The following DOCK9 variants were observed in gnomAD, a reference collection of about 807,000 sequenced individuals.
DOCK9 encodes the protein dedicator of cytokinesis 9, also known as dedicator of cytokinesis protein 9.
Under a neutral mutation model 263.3 loss-of-function variants are expected in DOCK9, and 89 were observed. That is an observed-to-expected ratio of 0.34 (90% confidence interval 0.28 to 0.40). The LOEUF (loss-of-function observed/expected upper bound fraction) is 0.40, where lower values mean the gene tolerates loss of function less well. DOCK9 is among the 10% of genes least tolerant of loss of function. The pLI is 1.00. For synonymous variants in DOCK9, 976 were observed against 973.1 expected (o/e 1.00, Z -0.06); for missense variants, 2,140 against 2,603.4 (o/e 0.82, Z 3.87).
exon 1 of DOCK9, chr13:99,086,224 A>G (rs1006038768): frequency 1.3e-6 from 2 of 1,501,514 alleles, no homozygotes; most frequent in Non-Finnish European, 1.8e-6. Flanking sequence ...CGCACTCACC[A>G]GGAGCACGGA....
intron 1 of DOCK9, among the ~76,000 whole-genome samples, chr13:99,083,871 C>T (rs1285137438): frequency 6.6e-6 from 1 of 152,086 alleles, no homozygotes; most frequent in African/African-American, 2.4e-5. Flanking sequence ...AGCTACTAAA[C>T]CCACACATAG....
chr13:98,976,419 T>C (rs1295066333), intron 1 of DOCK9, among the ~76,000 whole-genome samples: 1 of 152,260 alleles, frequency 6.6e-6, no homozygotes, highest in Non-Finnish European at 1.5e-5. Flanking sequence ...CATAGCATCT[T>C]TCTACAGTGT....
rs572201565 is a variant in DOCK9 at position 98,848,317 on chromosome 13, G to C, written c.4061+275C>G. Among the ~76,000 whole-genome samples, 13 of 152,234 alleles carry C rather than the reference G, an allele frequency of 8.5e-5. No homozygotes were observed. The South Asian group carries it at 2.7e-3, about 32-fold the overall frequency. On this transcript the variant is annotated intron_variant, in intron 37 of 52. Transcript: ENST00000682017. ...GGAAGGAGACAGAACAGAGAAGGAG[G>C]GGGAGTTTGGACGAGAGGATGGAAG... is the stretch of plus-strand genomic sequence containing the variant.
intron 35 of DOCK9, 36 bp downstream of exon 35, chr13:98,853,372 A>C (rs2093624078): frequency 7.1e-7 from 1 of 1,417,866 alleles, no homozygotes; most frequent in Non-Finnish European, 9.8e-7. Flanking sequence ...CAAGTGCTGA[A>C]ACGAGCAAAA....
Position 98,805,150 on chromosome 13 carries a change from G to T in DOCK9, c.5574C>A (p.Pro1858=). 6.2e-7 allele frequency: 1 copy of T among 1,608,966 alleles called. No homozygotes were observed. Among genetic ancestry groups the T allele is most frequent in the Non-Finnish European group, 8.5e-7 (1 of 1,177,324 alleles). The change falls in exon 49 of 53, where the codon CCC becomes CCA. Residue 1858 remains proline, a synonymous_variant. Transcript: ENST00000682017. ...CTTGCAACTCTTTTTCGTCAAAGAA[G>T]GGGATGACGTGAGTCACCTGGATGT... is the stretch of plus-strand genomic sequence containing the variant. ...YAYIQVTHVI[P]FFDEKELQER...
intron 50 of DOCK9, among the ~76,000 whole-genome samples, 168 bp from the exon 51 acceptor site, chr13:98,797,657 A>C (rs2089597781): frequency 1.3e-5 from 2 of 152,200 alleles, no homozygotes; most frequent in Admixed American, 1.3e-4. Context: ...ACTCTGTTGC[A>C]CACCACTTGA....
At chr13:98,996,794 T>C (rs151211284) in intron 1 of DOCK9, among the ~76,000 whole-genome samples, 4,303 of 152,386 alleles carry the variant, frequency 0.028, 100 homozygotes, top group South Asian at 0.063. Flanking sequence ...TGGGCACTCC[T>C]GATCTAATCC....
chr13:98,807,631 G>A (rs2090877924), intron 48 of DOCK9, 30 bp downstream of exon 48: 1 of 1,564,256 alleles, frequency 6.4e-7, no homozygotes, highest in Non-Finnish European at 8.7e-7. Context: ...ACATTACATT[G>A]CTATGAAACT....
At chr13:98,991,209 C>A (rs543795085) in intron 1 of DOCK9, among the ~76,000 whole-genome samples, 1 of 152,148 alleles carries the variant, frequency 6.6e-6, no homozygotes, top group African/African-American at 2.4e-5. Flanking sequence ...GTAGCTAAGA[C>A]TATAGGCATG....
chr13:99,014,845 G>C (rs896837000), intron 1 of DOCK9, among the ~76,000 whole-genome samples: 9 of 152,122 alleles, frequency 5.9e-5, no homozygotes, highest in Non-Finnish European at 1.2e-4. Context: ...CCTGATAAAG[G>C]GACAGAACAC....
At position 98,793,592 on chromosome 13, in the gene DOCK9, A is replaced by G. The variant is rs1434709116; in HGVS notation, c.*1034T>C. The stretch of plus-strand genomic sequence containing the variant: ...ATTAAAAACCTTTATTTTCCCAAAT[A>G]TAAAATTACTAAATTAAAGTCTTAA... On this transcript the variant is annotated 3_prime_UTR_variant, in exon 53 of 53. Coordinates refer to ENST00000682017, the MANE Select transcript of DOCK9 (RefSeq NM_001366683.2). 8.5e-5 allele frequency: 13 copies of G among 152,588 alleles called. No homozygotes were observed. The highest frequency in any genetic ancestry group is 5.2e-4 in the Admixed American group (8 of 15,278). The allele number at this position is 152,588 out of a possible 1,614,324, so 9.5% of individuals were successfully genotyped here.
chr13:99,017,727 T>C (rs1885599936), intron 1 of DOCK9, among the ~76,000 whole-genome samples: 1 of 152,144 alleles, frequency 6.6e-6, no homozygotes, highest in Non-Finnish European at 1.5e-5. Flanking sequence ...CTAACACTAA[T>C]GATAGCTGAT....
intron 4 of DOCK9, 150 bp from the exon 5 acceptor site, chr13:98,923,521 C>T (rs7989935): frequency 0.49 from 302,439 of 620,516 alleles, 76,833 homozygotes; most frequent in Middle Eastern, 0.57. Context: ...CATCTATGCC[C>T]TTGCTTTTCA....
intron 37 of DOCK9, among the ~76,000 whole-genome samples, chr13:98,848,053 A>C (rs1200792906): frequency 2.0e-5 from 3 of 152,232 alleles, no homozygotes; most frequent in Non-Finnish European, 2.9e-5. Flanking sequence ...GCGTTTACCA[A>C]CTAGTCAAGA....
intron 38 of DOCK9, 75 bp downstream of exon 38, chr13:98,845,849 T>C: frequency 2.6e-6 from 4 of 1,553,830 alleles, no homozygotes; most frequent in Non-Finnish European, 3.5e-6. Flanking sequence ...ATGTGGTAGG[T>C]GTGGCCTAGG....
chr13:98,806,717 T>C (rs941812948), intron 48 of DOCK9, among the ~76,000 whole-genome samples: 1 of 152,102 alleles, frequency 6.6e-6, no homozygotes, highest in Non-Finnish European at 1.5e-5. Context: ...GAGAACAACC[T>C]GGCCAACATG....
At chr13:99,009,767 A>C (rs1004426882) in intron 1 of DOCK9, among the ~76,000 whole-genome samples, 3 of 152,168 alleles carry the variant, frequency 2.0e-5, no homozygotes, top group Admixed American at 6.5e-5. Flanking sequence ...CACAGTGCAC[A>C]CATTCAACAA....
rs540816157 is a variant in DOCK9 at position 98,852,220 on chromosome 13, TTCAACTTTA to T, written c.3946+1179_3946+1187del. On this transcript the variant is annotated intron_variant, in intron 35 of 52. Transcript: ENST00000682017. ...GAACTTTTGACTTAATGGGAAGAAT[TTCAACTTTA>T]TAAACCCAAATATGAGACTAAGTGC... 2.6e-4 allele frequency among the ~76,000 whole-genome samples: 40 copies of T among 152,302 alleles called. No homozygotes were observed. The East Asian group carries it at 5.4e-3, about 21-fold the overall frequency.
intron 10 of DOCK9, 111 bp downstream of exon 10, chr13:98,904,521 T>C (rs1192987737): frequency 3.8e-6 from 3 of 794,622 alleles, no homozygotes; most frequent in Non-Finnish European, 5.8e-6. Flanking sequence ...TCTATAGTTA[T>C]TTTGCTTGTT....
Sources: gnomAD v4.1 joint callset for allele counts (sites outside exome capture counted in the v4.1 genomes callset) on GRCh38, gnomAD v4.1.1 for gene constraint, MANE v1.5 for transcripts, NCBI Gene and HGNC (gene_info 2026-07-23, HGNC 2026-07-21) for gene names.